The following EVC2 variants were observed in gnomAD, a reference collection of about 807,000 sequenced individuals.
EVC2 encodes the protein limbin.
A neutral mutation model predicts 149.3 loss-of-function variants in EVC2; 148 were observed. The observed-to-expected ratio is 0.99, with a 90% confidence interval of 0.87 to 1.14. The LOEUF is 1.14. Ranked by LOEUF, EVC2 falls within the 50% of genes most tolerant of loss-of-function variation. The pLI is 0.00. For missense variants in EVC2, 1,854 were observed against 1,627.3 expected (o/e 1.14, Z -2.40); for synonymous variants, 776 against 649.9 (o/e 1.19, Z -2.95).
At chr4:5,698,839 T>C (rs1384954948) in intron 1 of EVC2, among the ~76,000 whole-genome samples, 1 of 152,200 alleles carries the variant, frequency 6.6e-6, no homozygotes, top group Non-Finnish European at 1.5e-5. Context: ...AGAAAGGATG[T>C]GTATGTGAGT....
In EVC2 at chr4:5,696,353, G is replaced by A. The variant is rs192063543; in HGVS notation, c.283+1240C>T. ...CCCTCCTCTATTCAGCAAGAATCCC[G>A]CTCAGTCTACAGAGCCAAGTGGGGC... On this transcript the variant is annotated intron_variant, in intron 2 of 21. Transcript: ENST00000344408. This position sits in a 1 kb window ranked among gnomAD's most constrained non-coding sequence, Gnocchi z 4.1. 2.0e-5 allele frequency among the ~76,000 whole-genome samples: 3 copies of A among 152,206 alleles called. No homozygotes were observed. The highest frequency in any genetic ancestry group is 6.5e-5 in the Admixed American group (1 of 15,284).
chr4:5,562,740 T>C lies in EVC2; in HGVS notation c.*108A>G, dbSNP rs914761027. On this transcript the variant is annotated 3_prime_UTR_variant, in exon 22 of 22. Coordinates refer to ENST00000344408, the MANE Select transcript of EVC2 (RefSeq NM_147127.5). The surrounding 1 kb of genome is among the most constrained non-coding windows in gnomAD (Gnocchi z 4.3). ...CGCTACGGGGTCTGTGCCTTCTGCA[T>C]GTGCAATTTATATTTGCGAGTTGTG... The C allele has an allele frequency of 6.3e-7, 1 of 1,595,402 alleles. No individual in the cohort carries two copies. The highest frequency in any genetic ancestry group is 1.1e-5 in the South Asian group (1 of 89,448).
intron 1 of EVC2, among the ~76,000 whole-genome samples, chr4:5,703,535 C>T (rs2151745201): frequency 6.6e-6 from 1 of 152,306 alleles, no homozygotes; most frequent in East Asian, 1.9e-4. Flanking sequence ...TCAGAACTCA[C>T]ACTTCTAGAC....
At chr4:5,703,436 A>C (rs1424623180) in intron 1 of EVC2, among the ~76,000 whole-genome samples, 1 of 152,194 alleles carries the variant, frequency 6.6e-6, no homozygotes, top group Non-Finnish European at 1.5e-5. Context: ...CAGGAGCTGC[A>C]CAGAAGCATC....
intron 16 of EVC2, among the ~76,000 whole-genome samples, chr4:5,612,791 G>A (rs1168734242): frequency 4.0e-5 from 6 of 151,818 alleles, no homozygotes; most frequent in African/African-American, 4.8e-5. Flanking sequence ...GAGTAGTAGC[G>A]GGCGCCTGTA....
chr4:5,645,905 C>T (rs544410247), intron 9 of EVC2, among the ~76,000 whole-genome samples: 1 of 152,178 alleles, frequency 6.6e-6, no homozygotes, highest in African/African-American at 2.4e-5. Context: ...CTTTTTGCTC[C>T]ACAACCTCAC....
chr4:5,622,398 T>C lies in EVC2; in HGVS notation c.2501+139A>G. 4 of 1,008,240 alleles carry C rather than the reference T, an allele frequency of 4.0e-6. No individual in the cohort carries two copies. The South Asian group carries it at 4.3e-5, about 11-fold the overall frequency. The allele number at this position is 1,008,240 out of a possible 1,614,324, so 62.5% of individuals were successfully genotyped here. On this transcript the variant is annotated intron_variant, in intron 14 of 21. Coordinates refer to ENST00000344408, the MANE Select transcript of EVC2 (RefSeq NM_147127.5). This position sits in a 1 kb window ranked among gnomAD's most constrained non-coding sequence, Gnocchi z 5.8. Reference sequence around the variant, plus strand: ...TCCTCCCCCCGGGGCGTTGAGTTTATATGACTAATTAACGCTGGTAATCTC... The same window carrying C: ...TCCTCCCCCCGGGGCGTTGAGTTTACATGACTAATTAACGCTGGTAATCTC...
chr4:5,631,817 C>T lies in EVC2; in HGVS notation c.1686G>A (p.Leu562=), dbSNP rs1236419324. 1 of 1,614,026 alleles carries T rather than the reference C, an allele frequency of 6.2e-7. No individual in the cohort carries two copies. The highest frequency in any genetic ancestry group is 2.2e-5 in the East Asian group (1 of 44,880). ...GELKPEAAKM[L]LQNYSKIQEN... Reference sequence around the variant, plus strand: ...CCTGTATTTTAGAATAATTTTGCAGCAGCATTTTAGCTGCCTCTGGTTTCA... The same window carrying T: ...CCTGTATTTTAGAATAATTTTGCAGTAGCATTTTAGCTGCCTCTGGTTTCA... Residue 562 remains leucine (L), a synonymous_variant, in exon 11 of 22, where the codon CTG becomes CTA. Coordinates refer to ENST00000344408, the MANE Select transcript of EVC2 (RefSeq NM_147127.5).
chr4:5,635,464 C>CTGGAGGGAGTGTCCCA (rs1716833304), intron 10 of EVC2, among the ~76,000 whole-genome samples: 1 of 135,032 alleles, frequency 7.4e-6, no homozygotes, highest in South Asian at 2.1e-4. Flanking sequence ...CAAGTGTCCC[C>CTGGAGGGAGTGTCCCA]TGGAGGGAGT....
intron 16 of EVC2, among the ~76,000 whole-genome samples, chr4:5,588,743 A>AT (rs1392149107): frequency 6.6e-6 from 1 of 152,252 alleles, no homozygotes; most frequent in Non-Finnish European, 1.5e-5. Flanking sequence ...ATATAGACAT[A>AT]TAGATATATC....
At chr4:5,606,554 T>C (rs1257840523) in intron 16 of EVC2, among the ~76,000 whole-genome samples, 1 of 152,030 alleles carries the variant, frequency 6.6e-6, no homozygotes, top group Non-Finnish European at 1.5e-5. Context: ...TCTAACCCTA[T>C]TAAAGAGAAC....
intron 17 of EVC2, among the ~76,000 whole-genome samples, chr4:5,580,184 G>C (rs1711630258): frequency 6.6e-6 from 1 of 152,178 alleles, no homozygotes; most frequent in Non-Finnish European, 1.5e-5. Flanking sequence ...TTCCCAATAG[G>C]AAAGTGGTTT....
chr4:5,558,546 A>G (rs1721881858), downstream of EVC2, among the ~76,000 whole-genome samples: 1 of 152,252 alleles, frequency 6.6e-6, no homozygotes, highest in Non-Finnish European at 1.5e-5. Flanking sequence ...ATGCCATGTC[A>G]ATGCAAAATT....
chr4:5,541,483 AT>A (rs1335999678), downstream of EVC2, among the ~76,000 whole-genome samples: 2 of 152,248 alleles, frequency 1.3e-5, no homozygotes, highest in African/African-American at 2.4e-5. Flanking sequence ...GAGTGCTGGA[AT>A]AAGATGATTC....
rs759364116 is a variant in EVC2 at position 5,562,929 on chromosome 4, C to A, written c.3846G>T (p.Glu1282Asp). Residue 1282 changes from glutamate (E) to aspartate (D), a missense_variant, in exon 22 of 22, where the codon GAG (glutamate) becomes GAT (aspartate). By Grantham distance (45) the Glu-to-Asp change is conservative. Coordinates refer to ENST00000344408, the MANE Select transcript of EVC2 (RefSeq NM_147127.5). This position sits in a 1 kb window ranked among gnomAD's most constrained non-coding sequence, Gnocchi z 4.3. ...TCCTGGGAGGAACGTGCAGTGAGAT[C>A]TCTGGCTCCTTTGGATTTCTGAATA... ...LFIFRNPKEP[E>D]ISLHVPPRKK... 2.5e-6 allele frequency: 4 copies of A among 1,614,014 alleles called. No individual in the cohort carries two copies. In the East Asian group the frequency reaches 8.9e-5, roughly 36 times the overall value.
chr4:5,559,064 G>A (rs73196185), downstream of EVC2, among the ~76,000 whole-genome samples: 4,125 of 151,654 alleles, frequency 0.027, 102 homozygotes, highest in South Asian at 0.1. The surrounding 1 kb of genome is among the most constrained non-coding windows in gnomAD (Gnocchi z 5.0). Flanking sequence ...ACAAAAACTA[G>A]CTGGGTGCAG....
intron 7 of EVC2, among the ~76,000 whole-genome samples, chr4:5,668,998 GAC>G (rs1719457532): frequency 1.3e-5 from 2 of 152,190 alleles, no homozygotes; most frequent in African/African-American, 4.8e-5. Context: ...GAGATTTGTA[GAC>G]ACACACAGAA....
At chr4:5,628,259 A>G (rs1229107339) in intron 12 of EVC2, among the ~76,000 whole-genome samples, 1 of 151,872 alleles carries the variant, frequency 6.6e-6, no homozygotes, top group Admixed American at 6.6e-5. Flanking sequence ...GACCTTTACG[A>G]GATGATTAGG....
intron 10 of EVC2, among the ~76,000 whole-genome samples, chr4:5,635,016 G>A (rs965060537): frequency 7.4e-6 from 1 of 135,012 alleles, no homozygotes; most frequent in South Asian, 2.5e-4. Context: ...TTTAAATACT[G>A]TCAACAAATG....
Sources: gnomAD v4.1 joint callset for allele counts (sites outside exome capture counted in the v4.1 genomes callset) on GRCh38, gnomAD v4.1.1 for gene constraint, Gnocchi (gnomAD v3.1) non-coding constraint, MANE v1.5 for transcripts, NCBI Gene and HGNC (gene_info 2026-07-23, HGNC 2026-07-21) for gene names.